Variants in TSPAN5 observed in about 807,000 individuals in gnomAD.
TSPAN5 encodes tetraspanin-5.
TSPAN5 carries 10 observed loss-of-function variants against 37.1 expected under a neutral mutation model. The ratio of observed to expected loss-of-function variants is 0.27; its 90% CI spans 0.17 to 0.46. The LOEUF (loss-of-function observed/expected upper bound fraction) is 0.46, where lower values mean the gene tolerates loss of function less well. Among genes scored for constraint, TSPAN5 ranks in the 20% least tolerant of loss-of-function variants. TSPAN5 has a pLI of 1.00. For synonymous variants in TSPAN5, 110 were observed against 118.9 expected (o/e 0.93, Z 0.48); for missense variants, 195 against 326.6 (o/e 0.60, Z 3.11).
intron 2 of TSPAN5, among the ~76,000 whole-genome samples, chr4:98,506,017 C>T (rs1266347914): frequency 6.6e-6 from 1 of 152,148 alleles, no homozygotes; most frequent in Non-Finnish European, 1.5e-5. Context: ...AGAGAAGAGA[C>T]ATTTGAGGCA....
At chr4:98,524,712 G>A (rs1560523185) in intron 1 of TSPAN5, among the ~76,000 whole-genome samples, 1 of 151,708 alleles carries the variant, frequency 6.6e-6, no homozygotes, top group African/African-American at 2.4e-5. Context: ...AAGCTTGTCT[G>A]AGAATTCTGA....
chr4:98,588,500 T>G (rs1379096264), intron 1 of TSPAN5, among the ~76,000 whole-genome samples: 1 of 152,232 alleles, frequency 6.6e-6, no homozygotes, highest in Non-Finnish European at 1.5e-5. Context: ...TTTTCTCATC[T>G]TTTGCTTTGA....
chr4:98,544,798 A>G (rs1308774848), intron 1 of TSPAN5, among the ~76,000 whole-genome samples: 1 of 152,248 alleles, frequency 6.6e-6, no homozygotes, highest in Admixed American at 6.5e-5. Flanking sequence ...ATTTAAATTA[A>G]GAGTGGAAAT....
intron 1 of TSPAN5, among the ~76,000 whole-genome samples, chr4:98,533,428 T>C: frequency 6.6e-6 from 1 of 151,940 alleles, no homozygotes; most frequent in East Asian, 1.9e-4. Flanking sequence ...GGGTGTTATG[T>C]GTCCAGGATT....
At chr4:98,480,965 C>T (rs1752826137) in intron 4 of TSPAN5, among the ~76,000 whole-genome samples, 1 of 152,070 alleles carries the variant, frequency 6.6e-6, no homozygotes, top group African/African-American at 2.4e-5. Flanking sequence ...GTCAACATGG[C>T]TGCTGCCTCC....
intron 1 of TSPAN5, among the ~76,000 whole-genome samples, chr4:98,533,938 T>TAAAAAAAAAAAA (rs1560526751): frequency 7.8e-5 from 1 of 12,880 alleles, no homozygotes; most frequent in Non-Finnish European, 1.2e-4. Flanking sequence ...TTTGTTGATC[T>TAAAAAAAAAAAA]TAAAAAAAAA....
At chr4:98,602,641 AACT>A (rs1755908008) in intron 1 of TSPAN5, among the ~76,000 whole-genome samples, 1 of 152,144 alleles carries the variant, frequency 6.6e-6, no homozygotes, top group Admixed American at 6.5e-5. Flanking sequence ...CTGTTTCCAA[AACT>A]ACATTTTTCT....
rs115771045 is a variant in TSPAN5 at position 98,638,347 on chromosome 4, C to G, written c.81+19799G>C. Among the ~76,000 whole-genome samples the G allele has an allele frequency of 1.7e-3, 253 of 152,276 alleles. 1 individual carries two copies. Among genetic ancestry groups the G allele is most frequent in the African/African-American group, 5.9e-3 (245 of 41,554 alleles). On this transcript the variant is annotated intron_variant, in intron 1 of 7. Transcript: ENST00000305798. ...GGCCAGAGGCACAGATATGAAATGC[C>G]TGTGAAGCCTTCATCAGGTCTAAGG...
At chr4:98,483,784 T>G (rs965039812) in intron 3 of TSPAN5, 1 of 152,306 alleles carries the variant, frequency 6.6e-6, no homozygotes, top group Non-Finnish European at 1.5e-5. Context: ...GAAATGGAAT[T>G]TAAACAGTTC....
chr4:98,482,258 G>T (rs1275134509), intron 3 of TSPAN5, 83 bp from the exon 4 acceptor site: 10 of 1,264,354 alleles, frequency 7.9e-6, no homozygotes, highest in African/African-American at 7.6e-5. Context: ...CTCTAAACAG[G>T]TTTGTAATTA....
intron 1 of TSPAN5, among the ~76,000 whole-genome samples, chr4:98,629,760 C>CA (rs1756700205): frequency 6.6e-6 from 1 of 152,050 alleles, no homozygotes; most frequent in Non-Finnish European, 1.5e-5. Context: ...ACCCAGCATT[C>CA]AAAAAACACC....
intron 1 of TSPAN5, among the ~76,000 whole-genome samples, chr4:98,643,290 G>A (rs1025745566): frequency 2.0e-5 from 3 of 152,104 alleles, no homozygotes; most frequent in Non-Finnish European, 4.4e-5. Flanking sequence ...ATACAGCCTA[G>A]GTGTGTAGTA....
chr4:98,522,636 C>A (rs1347637083), intron 1 of TSPAN5, among the ~76,000 whole-genome samples: 1 of 152,160 alleles, frequency 6.6e-6, no homozygotes, highest in Admixed American at 6.5e-5. Flanking sequence ...TCAGGAGATC[C>A]CAATCCATTG....
chr4:98,497,316 C>CAA (rs398051229), intron 2 of TSPAN5, among the ~76,000 whole-genome samples: 4 of 101,858 alleles, frequency 3.9e-5, no homozygotes, highest in East Asian at 3.2e-4. Context: ...GACTCCATCT[C>CAA]AAAAAAAAAA....
chr4:98,530,983 T>C (rs1754069375), intron 1 of TSPAN5, among the ~76,000 whole-genome samples: 2 of 152,230 alleles, frequency 1.3e-5, no homozygotes, highest in African/African-American at 4.8e-5. Context: ...CATACCTCAC[T>C]GCTGCCTCAA....
At chr4:98,611,988 G>A (rs1756206947) in intron 1 of TSPAN5, among the ~76,000 whole-genome samples, 1 of 152,166 alleles carries the variant, frequency 6.6e-6, no homozygotes, top group Admixed American at 6.5e-5. Flanking sequence ...TGCAGGGCCT[G>A]GTCCCAAATT....
intron 1 of TSPAN5, among the ~76,000 whole-genome samples, chr4:98,584,754 C>T (rs72906087): frequency 0.031 from 4,767 of 152,208 alleles, 245 homozygotes; most frequent in African/African-American, 0.11. Flanking sequence ...ATGCAATAGG[C>T]CTATCGCCAC....
chr4:98,603,902 G>C (rs568338929), intron 1 of TSPAN5, among the ~76,000 whole-genome samples: 17 of 152,178 alleles, frequency 1.1e-4, no homozygotes, highest in Non-Finnish European at 2.1e-4. Context: ...AATCACTTCC[G>C]AGTTATGCAG....
intron 1 of TSPAN5, among the ~76,000 whole-genome samples, chr4:98,615,283 A>T (rs2110239765): frequency 6.6e-6 from 1 of 152,336 alleles, no homozygotes; most frequent in African/African-American, 2.4e-5. Context: ...CCCCTGTTCA[A>T]AATTCACACA....
Sources: allele counts gnomAD v4.1 joint callset (sites outside exome capture counted in the v4.1 genomes callset), GRCh38; gene constraint gnomAD v4.1.1; transcripts MANE v1.5; gene names NCBI Gene and HGNC (gene_info 2026-07-23, HGNC 2026-07-21).